Variants in DMD observed in about 807,000 individuals in gnomAD.
DMD encodes mutant dystrophin.
A neutral mutation model predicts 330.1 loss-of-function variants in DMD; 63 were observed. That is an observed-to-expected ratio of 0.19 (90% CI 0.16 to 0.24). The LOEUF is 0.24. Among genes scored for constraint, DMD ranks in the 10% least tolerant of loss-of-function variants. The pLI, the probability that DMD is intolerant of heterozygous loss-of-function variation, is 1.00. For missense variants in DMD, 3,344 were observed against 2,684.1 expected (o/e 1.25, Z -5.43); for synonymous variants, 1,223 against 959.8 (o/e 1.27, Z -5.07).
At chrX:32,865,645 T>C (rs910601552) in intron 2 of DMD, among the ~76,000 whole-genome samples, 4 of 112,155 alleles carry the variant, frequency 3.6e-5, no homozygotes, top group African/African-American at 1.3e-4. Flanking sequence ...TGTCTGCTTG[T>C]CTTTTCTTTT....
At chrX:31,476,395 GTGTATA>G (rs778445362) in intron 59 of DMD, among the ~76,000 whole-genome samples, 152 of 89,753 alleles carry the variant, frequency 1.7e-3, no homozygotes, top group African/African-American at 4.5e-3. Context: ...ATGTGTGTGT[GTGTATA>G]TATATATATA....
At chrX:32,502,872 AT>A (rs1457346497) in intron 18 of DMD, among the ~76,000 whole-genome samples, 2 of 111,672 alleles carry the variant, frequency 1.8e-5, no homozygotes, top group Admixed American at 9.5e-5. Context: ...ACTGTTGAGT[AT>A]AAATTTGTGC....
intron 1 of DMD, among the ~76,000 whole-genome samples, chrX:33,140,080 T>C (rs992365109): frequency 9.0e-6 from 1 of 111,448 alleles, no homozygotes; most frequent in Non-Finnish European, 1.9e-5. Context: ...TAAGAGTTTT[T>C]GCTATAAATT....
intron 59 of DMD, among the ~76,000 whole-genome samples, chrX:31,452,610 T>G (rs2065843529): frequency 8.9e-6 from 1 of 111,793 alleles, no homozygotes; most frequent in Non-Finnish European, 1.9e-5. Context: ...AACTCTAGTT[T>G]CTCTTTACAA....
At chrX:32,415,238 T>C (rs180980203) in intron 29 of DMD, among the ~76,000 whole-genome samples, 2 of 112,170 alleles carry the variant, frequency 1.8e-5, no homozygotes, top group East Asian at 5.6e-4. Context: ...TCAAAATTCT[T>C]TTTAGAAACC....
chrX:31,745,915 T>C (rs1356399400), intron 51 of DMD, among the ~76,000 whole-genome samples: 2 of 111,866 alleles, frequency 1.8e-5, no homozygotes, highest in East Asian at 5.6e-4. Flanking sequence ...ACATATGTTA[T>C]GATGTCACAT....
chrX:32,719,364 T>A (rs1279941576), intron 7 of DMD, among the ~76,000 whole-genome samples: 1 of 111,958 alleles, frequency 8.9e-6, no homozygotes, highest in Non-Finnish European at 1.9e-5. Flanking sequence ...TTCATATTCC[T>A]TTTCAATTTC....
Position 32,849,208 on chromosome X carries a change from C to T in DMD, c.186+520G>A. On this transcript the variant is annotated intron_variant, in intron 3 of 78. Transcript: ENST00000357033. ...CCCCCCAGTGTAAGACCTTGATCAA[C>T]ATGACTTCACTGATCTGTAATCATG... Among the ~76,000 whole-genome samples, 3 of 111,854 alleles carry T rather than the reference C, an allele frequency of 2.7e-5. No individual in the cohort carries two copies. In the Middle Eastern group the frequency reaches 0.014, roughly 520 times the overall value.
chrX:32,049,263 G>A (rs972941016), intron 44 of DMD, among the ~76,000 whole-genome samples: 4 of 110,788 alleles, frequency 3.6e-5, no homozygotes, highest in Admixed American at 9.6e-5. Flanking sequence ...TTTGTAATAC[G>A]TCCGTTAAAA....
chrX:33,219,309 TGTGTGTGTGTGTGTGTGTG>T (rs2052119697), intron 1 of DMD, among the ~76,000 whole-genome samples: 1 of 56,943 alleles, frequency 1.8e-5, no homozygotes, highest in South Asian at 8.3e-4. Context: ...GAGATTATTG[TGTGTGTGTGTGTGTGTGTG>T]TGTGTGTGTG....
chrX:31,504,448 C>T (rs1488799866), intron 56 of DMD, among the ~76,000 whole-genome samples: 1 of 111,941 alleles, frequency 8.9e-6, no homozygotes, highest in African/African-American at 3.2e-5. Context: ...GCTCACCAAA[C>T]AATGGGCCAA....
At chrX:32,615,978 G>C (rs1253961951) in intron 11 of DMD, among the ~76,000 whole-genome samples, 1 of 110,450 alleles carries the variant, frequency 9.1e-6, no homozygotes, top group East Asian at 2.8e-4. Context: ...TCTGCTTTTG[G>C]CTATGACAGT....
At chrX:32,657,302 G>T (rs1333974586) in intron 9 of DMD, among the ~76,000 whole-genome samples, 1 of 111,197 alleles carries the variant, frequency 9.0e-6, no homozygotes, top group Non-Finnish European at 1.9e-5. Flanking sequence ...AATGTACCTA[G>T]AACAATTTAA....
intron 44 of DMD, among the ~76,000 whole-genome samples, chrX:32,205,142 C>T (rs981886029): frequency 4.1e-5 from 4 of 98,634 alleles, no homozygotes; most frequent in East Asian, 3.1e-4. Context: ...AATCAAAGGC[C>T]GGTGTTGATC....
intron 61 of DMD, among the ~76,000 whole-genome samples, chrX:31,331,595 A>G (rs898443164): frequency 1.8e-5 from 2 of 112,158 alleles, no homozygotes; most frequent in Non-Finnish European, 3.8e-5. Context: ...ATTTATGCTC[A>G]AGGAATTTTC....
At chrX:32,668,783 A>T (rs1045420800) in intron 9 of DMD, among the ~76,000 whole-genome samples, 4 of 110,837 alleles carry the variant, frequency 3.6e-5, no homozygotes, top group African/African-American at 6.6e-5. Flanking sequence ...GAAGGGAGGA[A>T]AATACAGAGA....
At chrX:31,193,143 GA>G (rs925747032) in intron 67 of DMD, among the ~76,000 whole-genome samples, 1 of 110,791 alleles carries the variant, frequency 9.0e-6, no homozygotes, top group South Asian at 3.8e-4. Context: ...TGGCAAAAAG[GA>G]AAAAAAAGAA....
chrX:32,669,197 A>C (rs1040978249), intron 9 of DMD, among the ~76,000 whole-genome samples: 1 of 111,083 alleles, frequency 9.0e-6, no homozygotes, highest in Non-Finnish European at 1.9e-5. Context: ...AGTTTCCCAT[A>C]ATCAGCCGTA....
chrX:32,867,604 C>A (rs1393855529), intron 2 of DMD, among the ~76,000 whole-genome samples: 2 of 112,105 alleles, frequency 1.8e-5, no homozygotes, highest in African/African-American at 6.5e-5. Flanking sequence ...TCTTTATCAG[C>A]AAACATTTGC....
Sources: allele counts gnomAD v4.1 joint callset (sites outside exome capture counted in the v4.1 genomes callset), GRCh38; gene constraint gnomAD v4.1.1; transcripts MANE v1.5; gene names NCBI Gene and HGNC (gene_info 2026-07-23, HGNC 2026-07-21).